The following ANKFN1 variants were observed in gnomAD, a reference collection of about 807,000 sequenced individuals.
ANKFN1 encodes ankyrin repeat and fibronectin type III domain containing 1.
ANKFN1 carries 74 observed loss-of-function variants against 108.7 expected under a neutral mutation model. The observed-to-expected ratio is 0.68, with a 90% confidence interval of 0.56 to 0.83. The LOEUF is 0.83. Among genes scored for constraint, ANKFN1 ranks in the 40% least tolerant of loss-of-function variants. The pLI, the probability that ANKFN1 is intolerant of heterozygous loss-of-function variation, is 0.00. For missense variants in ANKFN1, 1,505 were observed against 1,382.3 expected (o/e 1.09, Z -1.41); for synonymous variants, 547 against 516.2 (o/e 1.06, Z -0.81).
intron 8 of ANKFN1, among the ~76,000 whole-genome samples, chr17:56,387,898 A>G (rs2047320614): frequency 6.6e-6 from 1 of 152,188 alleles, no homozygotes; most frequent in South Asian, 2.1e-4. Context: ...GTTAACTTAT[A>G]TACTCAATCT....
chr17:56,306,606 T>C (rs963793264), intron 3 of ANKFN1, among the ~76,000 whole-genome samples: 1 of 152,238 alleles, frequency 6.6e-6, no homozygotes, highest in African/African-American at 2.4e-5. Context: ...GAACATTCCA[T>C]GCTCATGGGT....
chr17:56,440,413 G>A lies in ANKFN1; in HGVS notation c.997G>A (p.Gly333Arg). The change falls in exon 9 of 21, where the codon GGA becomes AGA. Residue 333 changes from glycine to arginine, a missense_variant. Coordinates refer to ENST00000682825, the MANE Select transcript of ANKFN1 (RefSeq NM_001370326.1). ...GCAGACTCTGAGATGCACAATCACA[G>A]GACTTACAATGGTAAATGTCCCCAG... ...NLQTLRCTITGLTMGQQYFVQ... is the reference protein window; with the variant it reads ...NLQTLRCTITRLTMGQQYFVQ... 1 of 1,610,702 alleles carries A rather than the reference G, an allele frequency of 6.2e-7. No homozygotes were observed. Among genetic ancestry groups the A allele is most frequent in the Non-Finnish European group, 8.5e-7 (1 of 1,177,558 alleles).
At position 56,217,293 on chromosome 17, in the gene ANKFN1, T is replaced by G. The variant is rs189667676; in HGVS notation, c.12+4614T>G. Among the ~76,000 whole-genome samples the G allele has an allele frequency of 5.9e-5, 9 of 152,308 alleles. No individual in the cohort carries two copies. The East Asian group carries it at 1.7e-3, about 29-fold the overall frequency. ...CTCTCACTGTCTTCTGTAGCAGCAT[T>G]TGGCTCCTAGACCACCAATTCAAGA... On this transcript the variant is annotated intron_variant, in intron 2 of 20. Transcript: ENST00000682825.
intron 8 of ANKFN1, among the ~76,000 whole-genome samples, chr17:56,378,962 C>T (rs1033758599): frequency 2.6e-5 from 4 of 152,284 alleles, no homozygotes; most frequent in African/African-American, 9.6e-5. Flanking sequence ...ATTTATTCTC[C>T]AACCATCTTG....
intron 4 of ANKFN1, among the ~76,000 whole-genome samples, chr17:56,329,473 C>T (rs1324320419): frequency 6.6e-6 from 1 of 152,158 alleles, no homozygotes; most frequent in Non-Finnish European, 1.5e-5. Context: ...TATCCAATGA[C>T]CACATCCTGT....
intron 8 of ANKFN1, among the ~76,000 whole-genome samples, chr17:56,378,529 T>C (rs534319930): frequency 1.3e-5 from 2 of 152,324 alleles, no homozygotes; most frequent in East Asian, 3.9e-4. Context: ...ATTATTTATA[T>C]GTTTAATTAA....
intron 8 of ANKFN1, among the ~76,000 whole-genome samples, chr17:56,406,587 G>A (rs1157752647): frequency 6.6e-6 from 1 of 152,076 alleles, no homozygotes; most frequent in African/African-American, 2.4e-5. Flanking sequence ...CTTTCAGATG[G>A]GGAATATGTG....
chr17:56,335,205 C>T (rs1415155921), intron 4 of ANKFN1, among the ~76,000 whole-genome samples: 1 of 152,094 alleles, frequency 6.6e-6, no homozygotes, highest in Non-Finnish European at 1.5e-5. Context: ...AATGCGGGCT[C>T]TTTTTTGGTT....
chr17:56,436,480 T>C (rs1277112011), intron 8 of ANKFN1, among the ~76,000 whole-genome samples: 1 of 152,174 alleles, frequency 6.6e-6, no homozygotes, highest in African/African-American at 2.4e-5. Flanking sequence ...GTCTGTAAAC[T>C]ACCTATATAC....
chr17:56,167,278 T>C (rs1390418692), intron 1 of ANKFN1, among the ~76,000 whole-genome samples: 1 of 124,184 alleles, frequency 8.1e-6, no homozygotes, highest in Non-Finnish European at 1.6e-5. Flanking sequence ...TATATACATA[T>C]ATATATATAC....
At chr17:56,253,494 T>C (rs764940143) in intron 3 of ANKFN1, among the ~76,000 whole-genome samples, 1 of 152,098 alleles carries the variant, frequency 6.6e-6, no homozygotes. Flanking sequence ...TCCCAGCACT[T>C]TGGGAGGCCA....
At chr17:56,287,184 G>T (rs149257855) in intron 3 of ANKFN1, among the ~76,000 whole-genome samples, 1 of 152,050 alleles carries the variant, frequency 6.6e-6, no homozygotes. Context: ...ACTCAAAGTC[G>T]CAGAGCTGGG....
At chr17:56,172,556 G>C (rs1360566878) in intron 1 of ANKFN1, among the ~76,000 whole-genome samples, 1 of 152,142 alleles carries the variant, frequency 6.6e-6, no homozygotes, top group Admixed American at 6.6e-5. Flanking sequence ...TCAGTGCTAG[G>C]AGGTGGCAGT....
At chr17:56,154,709 AG>A (rs1232746996) in intron 1 of ANKFN1, among the ~76,000 whole-genome samples, 1 of 151,910 alleles carries the variant, frequency 6.6e-6, no homozygotes, top group Admixed American at 6.6e-5. Context: ...CTTTGGGGAC[AG>A]GAACTATACA....
intron 4 of ANKFN1, among the ~76,000 whole-genome samples, chr17:56,118,061 T>A (rs752854612): frequency 1.5e-4 from 23 of 152,162 alleles, no homozygotes; most frequent in Non-Finnish European, 2.9e-4. Flanking sequence ...TGTTTCAGTA[T>A]TTCCTTCCTT....
At chr17:56,372,935 C>G (rs183259152) in intron 7 of ANKFN1, 95 bp downstream of exon 7, 10 of 1,291,378 alleles carry the variant, frequency 7.7e-6, no homozygotes, top group East Asian at 4.7e-5. Flanking sequence ...TTCAGCTCTA[C>G]AGAGTCATGG....
chr17:56,292,546 A>T (rs1366389622), intron 3 of ANKFN1, among the ~76,000 whole-genome samples: 1 of 152,230 alleles, frequency 6.6e-6, no homozygotes, highest in Non-Finnish European at 1.5e-5. Flanking sequence ...ACGAGGACAG[A>T]GGCACAGATG....
In ANKFN1 at chr17:56,497,395, G is replaced by A. The variant is rs568076432; in HGVS notation, c.2428-1487G>A. Among the ~76,000 whole-genome samples the A allele has an allele frequency of 3.3e-5, 5 of 152,264 alleles. No homozygotes were observed. In the South Asian group the frequency reaches 1.0e-3, roughly 32 times the overall value. ...TCTGCTGAGTCTTGTCACCACAGGA[G>A]TGGCAAGAACTAGAAAGCAGGGGAA... On this transcript the variant is annotated intron_variant, in intron 19 of 20. Transcript: ENST00000682825.
intron 1 of ANKFN1, among the ~76,000 whole-genome samples, chr17:56,200,622 T>C (rs1913967794): frequency 1.3e-5 from 2 of 152,216 alleles, no homozygotes; most frequent in Non-Finnish European, 2.9e-5. Flanking sequence ...TAAGGAACTC[T>C]GTAGAACATT....
Sources: allele counts gnomAD v4.1 joint callset (sites outside exome capture counted in the v4.1 genomes callset), GRCh38; gene constraint gnomAD v4.1.1; transcripts MANE v1.5; gene names NCBI Gene and HGNC (gene_info 2026-07-23, HGNC 2026-07-21).